CDC42BPB: variants seen among roughly 807,000 people sequenced by gnomAD.
CDC42BPB encodes the protein serine/threonine-protein kinase MRCK beta.
In CDC42BPB, 37 loss-of-function variants were observed where a neutral mutation model predicts 214.9. The observed-to-expected ratio is 0.17, with a 90% confidence interval of 0.13 to 0.23. CDC42BPB has a LOEUF of 0.23. Ranked by LOEUF, CDC42BPB falls within the 10% of genes least tolerant of loss-of-function variation. The pLI is 1.00. For missense variants in CDC42BPB, 1,694 were observed against 2,227.0 expected, an observed-to-expected ratio of 0.76 and a Z score of 4.82; for synonymous variants, 931 against 884.0, an observed-to-expected ratio of 1.05 and a Z score of -0.94.
chr14:103,006,043 G>A (rs1425857068), intron 3 of CDC42BPB, among the ~76,000 whole-genome samples: 3 of 150,032 alleles, frequency 2.0e-5, no homozygotes, highest in Non-Finnish European at 4.4e-5. Flanking sequence ...AAAGATGGCT[G>A]TTGCAGCTGT....
Position 102,970,243 on chromosome 14 carries a change from C to G in CDC42BPB, c.1903G>C (p.Asp635His), listed in dbSNP as rs777327728. ...TCCTTGGAGGCCTCAGCAACAGCAT[C>G]ATCAAGCTGAGCTTCCAGCTACAAA... ...LRKELEAQLDDAVAEASKERK... is the reference protein window; with the variant it reads ...LRKELEAQLDHAVAEASKERK... Residue 635 changes from aspartate (D) to histidine (H), a missense_variant, in exon 14 of 37, where the codon GAT becomes CAT. Physicochemically the swap from Asp to His is moderately conservative, Grantham distance 81. Coordinates refer to ENST00000361246, the MANE Select transcript of CDC42BPB (RefSeq NM_006035.4). 3 of 1,613,180 alleles carry G rather than the reference C, an allele frequency of 1.9e-6. No individual in the cohort carries two copies. The highest frequency in any genetic ancestry group is 1.7e-6 in the Non-Finnish European group (2 of 1,179,660).
chr14:103,039,292 CAAAAAAAAAA>C (rs202028122), intron 1 of CDC42BPB, among the ~76,000 whole-genome samples: 1 of 70,642 alleles, frequency 1.4e-5, no homozygotes, highest in Non-Finnish European at 3.2e-5. Context: ...GATACCAAAC[CAAAAAAAAAA>C]AAAAAAAAAA....
intron 23 of CDC42BPB, chr14:102,952,876 G>A (rs983631249): frequency 3.6e-6 from 1 of 278,892 alleles, no homozygotes; most frequent in Non-Finnish European, 5.4e-6. Context: ...CCAGAGGGCC[G>A]AGGTGGCATG....
At chr14:103,033,082 T>C (rs1169861276) in intron 1 of CDC42BPB, among the ~76,000 whole-genome samples, 1 of 152,192 alleles carries the variant, frequency 6.6e-6, no homozygotes, top group African/African-American at 2.4e-5. Flanking sequence ...ACAAATGAGA[T>C]GACAGATTTC....
At chr14:103,036,026 C>T (rs981867682) in intron 1 of CDC42BPB, among the ~76,000 whole-genome samples, 1 of 151,984 alleles carries the variant, frequency 6.6e-6, no homozygotes, top group African/African-American at 2.4e-5. Flanking sequence ...TGGCACGCAC[C>T]TGTAGTACCA....
chr14:103,001,501 G>A lies in CDC42BPB; in HGVS notation c.448-1788C>T, dbSNP rs571998622. Among the ~76,000 whole-genome samples the A allele has an allele frequency of 1.8e-4, 28 of 152,322 alleles. No homozygotes were observed. The East Asian group carries it at 3.9e-3, about 21-fold the overall frequency. ...GGGGTGCGTGCAAAGCGGCTAGGAG[G>A]AAAGTGGCAGCGGCACCCTGGAGCC... On this transcript the variant is annotated intron_variant, in intron 4 of 36. Coordinates refer to ENST00000361246, the MANE Select transcript of CDC42BPB (RefSeq NM_006035.4). The surrounding 1 kb of genome is among the most constrained non-coding windows in gnomAD (Gnocchi z 5.8).
rs1487279455 is a variant in CDC42BPB at position 102,964,566 on chromosome 14, G to A, written c.2662C>T (p.Arg888Trp). 6.2e-7 allele frequency: 1 copy of A among 1,613,850 alleles called. No individual in the cohort carries two copies. Among genetic ancestry groups the A allele is most frequent in the South Asian group, 1.1e-5 (1 of 91,084 alleles). Residue 888 changes from arginine to tryptophan, a missense_variant, in exon 19 of 37, where the codon CGG becomes TGG. Arg to Trp is a moderately radical substitution (Grantham distance 101, BLOSUM62 -3). Transcript: ENST00000361246. ...TCCTCCTGGACAAGCTGCTTGGCCCGGATCTCCGCCTCCAGGGCCGACTGC... is the reference window on the plus strand; with the variant it reads ...TCCTCCTGGACAAGCTGCTTGGCCCAGATCTCCGCCTCCAGGGCCGACTGC... ...ELQSALEAEI[R>W]AKQLVQEELR...
chr14:103,037,282 T>G (rs572131062), intron 1 of CDC42BPB, among the ~76,000 whole-genome samples: 21 of 152,238 alleles, frequency 1.4e-4, no homozygotes, highest in Admixed American at 2.6e-4. Flanking sequence ...TAAATTTATT[T>G]TATCATGAGC....
intron 3 of CDC42BPB, among the ~76,000 whole-genome samples, chr14:103,007,891 A>G (rs145233986): frequency 1.2e-4 from 18 of 152,332 alleles, no homozygotes; most frequent in African/African-American, 4.1e-4. Flanking sequence ...AGATGGCCAG[A>G]GAGGAAAAGC....
chr14:102,996,812 C>CAAAAA lies in CDC42BPB; in HGVS notation c.596+2748_596+2752dup, dbSNP rs34138749. 5.7e-4 allele frequency among the ~76,000 whole-genome samples: 71 copies of CAAAAA among 125,150 alleles called. 1 individual carries two copies. Among genetic ancestry groups the CAAAAA allele is most frequent in the African/African-American group, 1.3e-3 (43 of 32,030 alleles). 82.1% of individuals were successfully genotyped at this position (125,150 alleles called of 152,430 possible). On this transcript the variant is annotated intron_variant, in intron 5 of 36. Coordinates refer to ENST00000361246, the MANE Select transcript of CDC42BPB (RefSeq NM_006035.4). ...AGGCAACAAGAGTGAGACTCCATCTCAAAAAAAAAAAAAAACAACCTATAC... is the reference window on the plus strand; with the variant it reads ...AGGCAACAAGAGTGAGACTCCATCTCAAAAAAAAAAAAAAAAAAAACAACCTATAC...
chr14:102,942,631 A>G (rs1425877678), intron 30 of CDC42BPB, among the ~76,000 whole-genome samples: 2 of 152,050 alleles, frequency 1.3e-5, no homozygotes, highest in African/African-American at 4.8e-5. Flanking sequence ...TGCAGCCTCC[A>G]TCTTCTGGGC....
chr14:102,972,530 T>C (rs1893523064), intron 12 of CDC42BPB, among the ~76,000 whole-genome samples: 1 of 151,178 alleles, frequency 6.6e-6, no homozygotes, highest in Admixed American at 6.6e-5. Context: ...CTATTAAAAA[T>C]ACAAAAAAAT....
At chr14:102,964,438 C>G (rs1893100251) in intron 19 of CDC42BPB, 64 bp downstream of exon 19, 4 of 1,578,460 alleles carry the variant, frequency 2.5e-6, no homozygotes, top group Admixed American at 1.8e-5. Flanking sequence ...CCGTGAGGCT[C>G]AGGGCGGGCT....
chr14:102,976,314 T>TAG lies in CDC42BPB; in HGVS notation c.1221-266_1221-265insCT, dbSNP rs1292598235. ...GCATTTCTAAATCATCCCCCACACT[T>TAG]AACTATAAATGCAAAACCAGAAGGC... On this transcript the variant is annotated intron_variant, in intron 9 of 36. Coordinates refer to ENST00000361246, the MANE Select transcript of CDC42BPB (RefSeq NM_006035.4). 20 of 583,216 alleles carry TAG rather than the reference T, an allele frequency of 3.4e-5. No individual in the cohort carries two copies. The African/African-American group carries it at 3.9e-4, about 11-fold the overall frequency. The allele number at this position is 583,216 out of a possible 1,614,324, so 36.1% of individuals were successfully genotyped here. A position where few individuals can be genotyped will look rare whatever the true frequency, so the allele number is the denominator to read the frequency against.
chr14:102,945,555 C>A, intron 29 of CDC42BPB, 107 bp downstream of exon 29: 1 of 1,012,374 alleles, frequency 9.9e-7, no homozygotes, highest in Non-Finnish European at 1.5e-6. Flanking sequence ...CCGGCGCCTT[C>A]ATCAAGCGCA....
At chr14:102,974,353 C>T (rs1893639498) in intron 11 of CDC42BPB, 1 of 984,074 alleles carries the variant, frequency 1.0e-6, no homozygotes, top group Non-Finnish European at 1.2e-6. Flanking sequence ...CATGCCTGTG[C>T]TGAACAGGCT....
chr14:102,970,712 G>C (rs1369886288), intron 13 of CDC42BPB, among the ~76,000 whole-genome samples: 2 of 152,188 alleles, frequency 1.3e-5, no homozygotes, highest in Admixed American at 6.5e-5. Flanking sequence ...CAAACCACTC[G>C]AGGGCAATCC....
intron 12 of CDC42BPB, among the ~76,000 whole-genome samples, chr14:102,973,146 G>T (rs1893562595): frequency 6.6e-6 from 1 of 152,216 alleles, no homozygotes. Flanking sequence ...TCCCACACGT[G>T]AAGGGGAGGC....
At chr14:103,003,614 G>T (rs1253642641) in intron 4 of CDC42BPB, among the ~76,000 whole-genome samples, 1 of 152,188 alleles carries the variant, frequency 6.6e-6, no homozygotes, top group Non-Finnish European at 1.5e-5. Context: ...TCCCCACTGC[G>T]GTTCCTTATT....
Sources: gnomAD v4.1 joint callset for allele counts (sites outside exome capture counted in the v4.1 genomes callset) on GRCh38, gnomAD v4.1.1 for gene constraint, Gnocchi (gnomAD v3.1) non-coding constraint, MANE v1.5 for transcripts, NCBI Gene and HGNC (gene_info 2026-07-23, HGNC 2026-07-21) for gene names.